MAGI1: variants seen among roughly 807,000 people sequenced by gnomAD.
The protein encoded by MAGI1 is membrane associated guanylate kinase, WW and PDZ domain containing 1, also known as membrane-associated guanylate kinase, WW and PDZ domain-containing protein 1.
Under a neutral mutation model 139.9 loss-of-function variants are expected in MAGI1, and 58 were observed. The ratio of observed to expected loss-of-function variants is 0.41; its 90% confidence interval spans 0.34 to 0.52. The LOEUF (loss-of-function observed/expected upper bound fraction) is 0.52, where lower values mean the gene tolerates loss of function less well. MAGI1 is among the 20% of genes least tolerant of loss of function. The pLI, the probability that MAGI1 is intolerant of heterozygous loss-of-function variation, is 0.12. For missense variants in MAGI1, 1,874 were observed against 1,901.6 expected (o/e 0.99, Z 0.27); for synonymous variants, 812 against 737.9 (o/e 1.10, Z -1.63).
chr3:66,010,387 T>C (rs1342307697), intron 1 of MAGI1, among the ~76,000 whole-genome samples: 1 of 152,124 alleles, frequency 6.6e-6, no homozygotes, highest in African/African-American at 2.4e-5. Context: ...CAAAGTGCTT[T>C]CCCCCTTATT....
At chr3:65,902,341 C>A (rs1186935593) in intron 1 of MAGI1, among the ~76,000 whole-genome samples, 1 of 152,132 alleles carries the variant, frequency 6.6e-6, no homozygotes, top group Non-Finnish European at 1.5e-5. Context: ...GCAAGCCCAA[C>A]CTCATATAGT....
rs150372065 is a variant in MAGI1, at chr3:66,028,542, C to A, written c.313+9454G>T. On this transcript the variant is annotated intron_variant, in intron 1 of 22. Coordinates refer to ENST00000402939, the MANE Select transcript of MAGI1 (RefSeq NM_001033057.2). ...AGCCCCACTGCTTCCCCAGCCATTC[C>A]TGATGTAGGAGCCCAGACGTGGTAC... 6.2e-3 allele frequency among the ~76,000 whole-genome samples: 939 copies of A among 152,184 alleles called. 11 individuals are homozygous for A. The highest frequency in any genetic ancestry group is 0.021 in the African/African-American group (882 of 41,510).
intron 2 of MAGI1, among the ~76,000 whole-genome samples, chr3:65,567,666 C>T (rs2140757): frequency 0.57 from 86,052 of 151,650 alleles, 24,953 homozygotes; most frequent in East Asian, 0.82. Flanking sequence ...CGAAACCCCA[C>T]CTCTACTAAA....
intron 1 of MAGI1, among the ~76,000 whole-genome samples, chr3:65,897,861 CA>C (rs372285768): frequency 2.2e-5 from 3 of 138,970 alleles, no homozygotes; most frequent in East Asian, 4.3e-4. Context: ...AAATCCTGTC[CA>C]AAAAAAATAA....
intron 1 of MAGI1, among the ~76,000 whole-genome samples, chr3:65,916,480 C>T (rs140127301): frequency 3.3e-5 from 5 of 152,202 alleles, no homozygotes; most frequent in African/African-American, 7.2e-5. Flanking sequence ...CGTGGTGGCA[C>T]ACAAGAGAGA....
chr3:65,467,566 A>C (rs1480459224), intron 5 of MAGI1, among the ~76,000 whole-genome samples: 1 of 152,234 alleles, frequency 6.6e-6, no homozygotes, highest in African/African-American at 2.4e-5. Context: ...TAGGTAAATG[A>C]AACATTGGCT....
At chr3:65,493,740 ACT>A (rs1288171353) in intron 2 of MAGI1, 109 bp from the exon 3 acceptor site, 22 of 1,262,730 alleles carry the variant, frequency 1.7e-5, no homozygotes, top group East Asian at 2.4e-5. Context: ...CGTACCTAAG[ACT>A]CTGCTGCCTC....
chr3:65,437,363 G>T, intron 9 of MAGI1, 116 bp from the exon 10 acceptor site: 1 of 510,118 alleles, frequency 2.0e-6, no homozygotes, highest in Non-Finnish European at 3.3e-6. Flanking sequence ...AGATAGCTTA[G>T]ATTAAAAAGA....
intron 1 of MAGI1, among the ~76,000 whole-genome samples, chr3:65,883,165 A>C (rs1294988730): frequency 3.9e-5 from 6 of 152,186 alleles, no homozygotes; most frequent in African/African-American, 1.2e-4. Flanking sequence ...CAGCCACTCA[A>C]GTGAAGAGTA....
At chr3:65,838,676 C>T (rs528507295) in intron 1 of MAGI1, among the ~76,000 whole-genome samples, 3 of 152,316 alleles carry the variant, frequency 2.0e-5, no homozygotes, top group East Asian at 3.9e-4. Flanking sequence ...ATAAACAAAG[C>T]TGCTATGGAC....
chr3:65,780,511 G>A (rs116655761), intron 1 of MAGI1, among the ~76,000 whole-genome samples: 1 of 152,154 alleles, frequency 6.6e-6, no homozygotes, highest in Non-Finnish European at 1.5e-5. Flanking sequence ...GCCCTGGAGA[G>A]CTAACTTGCA....
In MAGI1 at chr3:66,007,813, A is replaced by G. The variant is rs17074292; in HGVS notation, c.313+30183T>C. ...CTATACTTTCCTTAGGGCAGAAGAG[A>G]AGGAAAGATACTAAATTGGAGGAGG... is the stretch of plus-strand genomic sequence containing the variant. On this transcript the variant is annotated intron_variant, in intron 1 of 22. Transcript: ENST00000402939. Among the ~76,000 whole-genome samples the G allele has an allele frequency of 9.3e-3, 1,419 of 152,244 alleles. 6 individuals are homozygous for G. The highest frequency in any genetic ancestry group is 0.034 in the Middle Eastern group (10 of 292).
intron 1 of MAGI1, among the ~76,000 whole-genome samples, chr3:65,909,253 G>A (rs1457458620): frequency 6.6e-6 from 1 of 152,044 alleles, no homozygotes; most frequent in Non-Finnish European, 1.5e-5. Context: ...GTCTGGGCAT[G>A]GTGGCTCATG....
At position 65,691,129 on chromosome 3, in the gene MAGI1, C is replaced by T. The variant is rs543893825; in HGVS notation, c.314-69041G>A. Among the ~76,000 whole-genome samples, 897 of 151,738 alleles carry T rather than the reference C, an allele frequency of 5.9e-3. 4 individuals carry two copies. Among genetic ancestry groups the T allele is most frequent in the African/African-American group, 0.02 (838 of 41,414 alleles). On this transcript the variant is annotated intron_variant, in intron 1 of 22. Coordinates refer to ENST00000402939, the MANE Select transcript of MAGI1 (RefSeq NM_001033057.2). Reference sequence around the variant, plus strand: ...CATCTTGGCTAACACGGGGAAACCCCGTCTCTACTAAAAATACAAAAAAAT... The same window carrying T: ...CATCTTGGCTAACACGGGGAAACCCTGTCTCTACTAAAAATACAAAAAAAT...
chr3:65,551,735 T>G (rs1401578142), intron 2 of MAGI1, among the ~76,000 whole-genome samples: 2 of 152,246 alleles, frequency 1.3e-5, no homozygotes, highest in East Asian at 3.9e-4. Context: ...TCCATGTGAC[T>G]TACAGAAGCA....
chr3:65,560,241 C>T (rs1267514434), intron 2 of MAGI1, among the ~76,000 whole-genome samples: 3 of 152,166 alleles, frequency 2.0e-5, no homozygotes, highest in South Asian at 2.1e-4. Flanking sequence ...ACATTACTGC[C>T]GCTAAATCAG....
rs943028324 is a variant in MAGI1, at chr3:65,969,553, C to T, written c.313+68443G>A. 3.3e-5 allele frequency among the ~76,000 whole-genome samples: 5 copies of T among 152,154 alleles called. No homozygotes were observed. The East Asian group carries it at 5.8e-4, about 18-fold the overall frequency. On this transcript the variant is annotated intron_variant, in intron 1 of 22. Coordinates refer to ENST00000402939, the MANE Select transcript of MAGI1 (RefSeq NM_001033057.2). Reference sequence around the variant, plus strand: ...AAGTGCTGGGGAAGGACGCTGACTGCCTAGCTTTTGGCTCAAATGTGGCTG... The same window carrying T: ...AAGTGCTGGGGAAGGACGCTGACTGTCTAGCTTTTGGCTCAAATGTGGCTG...
At chr3:65,886,811 A>T (rs7618053) in intron 1 of MAGI1, among the ~76,000 whole-genome samples, 65,265 of 152,080 alleles carry the variant, frequency 0.43, 18,814 homozygotes, top group African/African-American at 0.82. Context: ...ATTTGAGGTA[A>T]CTGCTAATGC....
rs1350063718 is a variant in MAGI1, at chr3:65,887,292, A to G, written c.313+150704T>C. Among the ~76,000 whole-genome samples, 4 of 151,456 alleles carry G rather than the reference A, an allele frequency of 2.6e-5. No homozygotes were observed. In the East Asian group the frequency reaches 7.8e-4, roughly 29 times the overall value. ...TTTCTACTTTATATTCCTGTGTTTT[A>G]TTTGAATTTTTGCCACAAACATGTA... On this transcript the variant is annotated intron_variant, in intron 1 of 22. Transcript: ENST00000402939.
Sources: allele counts gnomAD v4.1 joint callset (sites outside exome capture counted in the v4.1 genomes callset), GRCh38; gene constraint gnomAD v4.1.1; transcripts MANE v1.5; gene names NCBI Gene and HGNC (gene_info 2026-07-23, HGNC 2026-07-21).